PNLIPRP3: variants seen among roughly 807,000 people sequenced by gnomAD.
The protein encoded by PNLIPRP3 is pancreatic lipase related protein 3.
Under a neutral mutation model 52.8 loss-of-function variants are expected in PNLIPRP3, and 58 were observed. The observed-to-expected ratio is 1.10, with a 90% CI of 0.89 to 1.37. The LOEUF is 1.37. Among genes scored for constraint, PNLIPRP3 ranks in the 40% most tolerant of loss-of-function variants. The pLI is 0.00. For synonymous variants in PNLIPRP3, 192 were observed against 185.0 expected (o/e 1.04, Z -0.31); for missense variants, 593 against 561.6 (o/e 1.06, Z -0.57).
intron 4 of PNLIPRP3, among the ~76,000 whole-genome samples, chr10:116,448,462 C>CA (rs1352453402): frequency 1.3e-5 from 2 of 151,652 alleles, no homozygotes; most frequent in Non-Finnish European, 2.9e-5. Flanking sequence ...TATATTAACA[C>CA]AAAAAATCAA....
intron 4 of PNLIPRP3, 75 bp downstream of exon 4, chr10:116,444,588 A>G (rs1845916404): frequency 4.2e-6 from 6 of 1,433,156 alleles, no homozygotes; most frequent in South Asian, 1.2e-5. Context: ...GGGACAATTT[A>G]ATGTCTTTTT....
At chr10:116,438,185 T>A in intron 2 of PNLIPRP3, among the ~76,000 whole-genome samples, 1 of 152,164 alleles carries the variant, frequency 6.6e-6, no homozygotes, top group East Asian at 1.9e-4. Context: ...AGCCCAGAGC[T>A]GGAGAAAAAG....
At chr10:116,476,578 A>G (rs1376873527) in intron 10 of PNLIPRP3, 74 bp from the exon 11 acceptor site, 1 of 1,241,590 alleles carries the variant, frequency 8.1e-7, no homozygotes, top group Admixed American at 2.6e-5. Context: ...CATAGTGCAT[A>G]CACAGATGTG....
intron 9 of PNLIPRP3, among the ~76,000 whole-genome samples, chr10:116,470,514 A>ATATAAT (rs1564705278): frequency 7.0e-6 from 1 of 142,460 alleles, no homozygotes; most frequent in African/African-American, 2.6e-5. Context: ...TATATATATA[A>ATATAAT]TTTTTTTTTT....
chr10:116,451,043 T>G (rs950247272), intron 4 of PNLIPRP3, among the ~76,000 whole-genome samples: 5 of 152,066 alleles, frequency 3.3e-5, no homozygotes, highest in Non-Finnish European at 5.9e-5. Context: ...ATTTCAAAAT[T>G]TATTATGAAA....
chr10:116,433,180 C>G (rs1031743828), intron 1 of PNLIPRP3, among the ~76,000 whole-genome samples: 10 of 32,240 alleles, frequency 3.1e-4, no homozygotes, highest in African/African-American at 1.1e-3. Flanking sequence ...CCAAACAAAA[C>G]AAAACCCCAA....
At chr10:116,444,037 C>T (rs972749453) in intron 3 of PNLIPRP3, among the ~76,000 whole-genome samples, 7 of 151,728 alleles carry the variant, frequency 4.6e-5, no homozygotes, top group African/African-American at 1.7e-4. Context: ...AACTTACAAT[C>T]ACGGCGGAAG....
intron 3 of PNLIPRP3, among the ~76,000 whole-genome samples, chr10:116,443,802 C>CAT (rs1200044232): frequency 0.018 from 234 of 13,030 alleles, 1 homozygote; most frequent in Middle Eastern, 0.25. Context: ...TGTGTGTGTG[C>CAT]ATATATATAT....
intron 2 of PNLIPRP3, chr10:116,440,120 G>C: frequency 1.6e-6 from 1 of 640,248 alleles, no homozygotes; most frequent in Non-Finnish European, 2.8e-6. Context: ...AAGTATTTGG[G>C]GGCACCTTCT....
intron 4 of PNLIPRP3, 39 bp downstream of exon 4, chr10:116,444,552 G>C (rs1017149232): frequency 6.3e-7 from 1 of 1,578,640 alleles, no homozygotes; most frequent in Admixed American, 1.7e-5. Flanking sequence ...TATTGAATTG[G>C]TTTTGGATAT....
chr10:116,446,235 A>C (rs1273906033), intron 4 of PNLIPRP3, among the ~76,000 whole-genome samples: 1 of 151,094 alleles, frequency 6.6e-6, no homozygotes, highest in Non-Finnish European at 1.5e-5. Flanking sequence ...AGTCCCAGCT[A>C]CTCGGGAGGC....
chr10:116,436,617 T>C (rs1845777559), intron 1 of PNLIPRP3, 94 bp from the exon 2 acceptor site: 1 of 1,296,628 alleles, frequency 7.7e-7, no homozygotes, highest in African/African-American at 1.5e-5. Context: ...GGGGTTAATT[T>C]CCAAAATTAA....
chr10:116,451,200 T>A (rs1008745646), intron 4 of PNLIPRP3, among the ~76,000 whole-genome samples: 4 of 152,128 alleles, frequency 2.6e-5, no homozygotes, highest in African/African-American at 9.7e-5. Context: ...ACAACTGGCA[T>A]TGGGAAAGCT....
At chr10:116,465,961 T>C in intron 7 of PNLIPRP3, 89 bp from the exon 8 acceptor site, 1 of 932,716 alleles carries the variant, frequency 1.1e-6, no homozygotes, top group Non-Finnish European at 1.7e-6. Context: ...TCAAGAAGAC[T>C]GCCACTTACA....
intron 4 of PNLIPRP3, among the ~76,000 whole-genome samples, chr10:116,447,829 T>C (rs780898929): frequency 6.6e-6 from 1 of 151,572 alleles, no homozygotes; most frequent in Non-Finnish European, 1.5e-5. Context: ...CCCAGCTACA[T>C]GGGAGGCTAA....
chr10:116,443,288 C>A, intron 3 of PNLIPRP3, 114 bp downstream of exon 3: 1 of 1,144,746 alleles, frequency 8.7e-7, no homozygotes, highest in South Asian at 2.4e-5. Context: ...CAGTTATCCA[C>A]AATTATCCGT....
Position 116,476,633 on chromosome 10 carries a change from G to A in PNLIPRP3, c.1173-19G>A. 6.5e-7 allele frequency: 1 copy of A among 1,546,394 alleles called. No homozygotes were observed. The highest frequency in any genetic ancestry group is 1.3e-5 in the South Asian group (1 of 79,394). On this transcript the variant is annotated intron_variant, in intron 10 of 11. Transcript: ENST00000369230. ...GTGAATACCCAGTGCAAACTTACGA[G>A]TCTTATTTTTGTTTACAGTGGAAAA...
chr10:116,450,643 G>A (rs539554991), intron 4 of PNLIPRP3, among the ~76,000 whole-genome samples: 3 of 152,064 alleles, frequency 2.0e-5, no homozygotes, highest in Admixed American at 2.0e-4. Context: ...TGAGACCACA[G>A]AAATAAAAGG....
chr10:116,461,111 T>C (rs1405300983), intron 6 of PNLIPRP3, 26 bp downstream of exon 6: 4 of 1,614,004 alleles, frequency 2.5e-6, no homozygotes, highest in Non-Finnish European at 3.4e-6. Flanking sequence ...ATCAGAAACT[T>C]CATTGAAGCA....
Sources: gnomAD v4.1 joint callset for allele counts (sites outside exome capture counted in the v4.1 genomes callset) on GRCh38, gnomAD v4.1.1 for gene constraint, MANE v1.5 for transcripts, NCBI Gene and HGNC (gene_info 2026-07-23, HGNC 2026-07-21) for gene names.